NFKB1: variants seen among roughly 807,000 people sequenced by gnomAD.
The protein encoded by NFKB1 is nuclear factor NF-kappa-B p105 subunit.
In NFKB1, 9 loss-of-function variants were observed where a neutral mutation model predicts 105.1. The ratio of observed to expected loss-of-function variants is 0.09; its 90% confidence interval spans 0.05 to 0.15. The LOEUF (loss-of-function observed/expected upper bound fraction) is 0.15, where lower values mean the gene tolerates loss of function less well. NFKB1 is among the 10% of genes least tolerant of loss of function. The pLI is 1.00. For synonymous variants in NFKB1, 440 were observed against 442.2 expected (o/e 1.00, Z 0.06); for missense variants, 830 against 1,203.7 (o/e 0.69, Z 4.59).
chr4:102,513,880 A>G (rs570613626), intron 1 of NFKB1, among the ~76,000 whole-genome samples: 3 of 152,256 alleles, frequency 2.0e-5, no homozygotes, highest in African/African-American at 4.8e-5. Context: ...TTTAAAAATA[A>G]TGTGGACTCT....
In NFKB1 at chr4:102,616,871, C is replaced by G; in HGVS notation, c.*277C>G. On this transcript the variant is annotated 3_prime_UTR_variant, in exon 24 of 24. Transcript: ENST00000226574. Reference sequence around the variant, plus strand: ...GCTTACTAAGCTTTGCCAGCTGCTGCTGGATCACAGCTGCTTTCTGTTGTC... The same window carrying G: ...GCTTACTAAGCTTTGCCAGCTGCTGGTGGATCACAGCTGCTTTCTGTTGTC... 3.3e-6 allele frequency: 1 copy of G among 299,796 alleles called. No individual in the cohort carries two copies. The highest frequency in any genetic ancestry group is 6.3e-6 in the Non-Finnish European group (1 of 157,496). The allele number at this position is 299,796 out of a possible 1,614,324, so 18.6% of individuals were successfully genotyped here.
intron 1 of NFKB1, among the ~76,000 whole-genome samples, chr4:102,513,852 G>A (rs969678747): frequency 2.0e-5 from 3 of 151,902 alleles, no homozygotes; most frequent in Non-Finnish European, 2.9e-5. Flanking sequence ...GTCTATCTTC[G>A]TGAATATTCC....
chr4:102,597,420 G>T, intron 14 of NFKB1, 100 bp from the exon 15 acceptor site: 1 of 1,204,410 alleles, frequency 8.3e-7, no homozygotes, highest in Non-Finnish European at 1.1e-6. Flanking sequence ...ATATGTCAAG[G>T]TGTCAGAACA....
Position 102,595,897 on chromosome 4 carries a change from A to G in NFKB1, c.1301-241A>G, listed in dbSNP as rs144596919. ...ATTTCATTTTTCTCCTTTACAAATAAGCAAAATGAGATTTAAGATTTTAGA... is the reference window on the plus strand; with the variant it reads ...ATTTCATTTTTCTCCTTTACAAATAGGCAAAATGAGATTTAAGATTTTAGA... On this transcript the variant is annotated intron_variant, in intron 13 of 23. Transcript: ENST00000226574. Among the ~76,000 whole-genome samples, 46 of 152,366 alleles carry G rather than the reference A, an allele frequency of 3.0e-4. No individual in the cohort carries two copies. The East Asian group carries it at 7.9e-3, about 26-fold the overall frequency.
chr4:102,553,065 C>A (rs1180611462), intron 5 of NFKB1, among the ~76,000 whole-genome samples: 1 of 152,116 alleles, frequency 6.6e-6, no homozygotes. Flanking sequence ...CAGGAAATCA[C>A]AATAGAATAG....
At chr4:102,591,294 T>G (rs59123962) in intron 11 of NFKB1, among the ~76,000 whole-genome samples, 51,457 of 151,476 alleles carry the variant, frequency 0.34, 9,150 homozygotes, top group Admixed American at 0.44. Context: ...TCAAAGCTTT[T>G]AAAAACAGGC....
At chr4:102,550,630 T>C (rs181793612) in intron 5 of NFKB1, among the ~76,000 whole-genome samples, 2 of 152,268 alleles carry the variant, frequency 1.3e-5, no homozygotes, top group Admixed American at 1.3e-4. Context: ...TTCACACACA[T>C]TTGTAGAAAA....
intron 5 of NFKB1, among the ~76,000 whole-genome samples, chr4:102,551,443 G>A (rs1722602025): frequency 6.6e-6 from 1 of 151,982 alleles, no homozygotes; most frequent in African/African-American, 2.4e-5. Flanking sequence ...ATCACCTCCT[G>A]GCTAGATAGT....
intron 5 of NFKB1, among the ~76,000 whole-genome samples, chr4:102,552,553 C>T (rs1258541689): frequency 6.6e-6 from 1 of 151,858 alleles, no homozygotes; most frequent in Non-Finnish European, 1.5e-5. Flanking sequence ...ATTTGTATGC[C>T]CTTAGAAAGA....
At chr4:102,518,284 A>G (rs757432163) in intron 1 of NFKB1, among the ~76,000 whole-genome samples, 1 of 152,208 alleles carries the variant, frequency 6.6e-6, no homozygotes, top group Non-Finnish European at 1.5e-5. Context: ...GCTAACAGTG[A>G]TTTATTAATA....
At chr4:102,551,367 T>TGTGTGTGTGTGCGC (rs370790173) in intron 5 of NFKB1, among the ~76,000 whole-genome samples, 26 of 150,202 alleles carry the variant, frequency 1.7e-4, no homozygotes, top group African/African-American at 6.1e-4. Context: ...TGTGTGTGTG[T>TGTGTGTGTGTGCGC]GCGCGCGCGC....
intron 5 of NFKB1, among the ~76,000 whole-genome samples, chr4:102,566,125 A>G (rs1723845781): frequency 6.6e-6 from 1 of 152,174 alleles, no homozygotes; most frequent in Non-Finnish European, 1.5e-5. Flanking sequence ...AGTCTACTAC[A>G]GGGGCTAGGT....
intron 8 of NFKB1, 111 bp downstream of exon 8, chr4:102,579,150 T>C (rs1725113205): frequency 2.9e-6 from 3 of 1,031,572 alleles, no homozygotes; most frequent in Admixed American, 2.6e-5. Context: ...ACTTTAAGCC[T>C]CAGCTTTATC....
chr4:102,558,152 A>G (rs777656409), intron 5 of NFKB1, among the ~76,000 whole-genome samples: 10 of 151,476 alleles, frequency 6.6e-5, no homozygotes, highest in Middle Eastern at 3.4e-3. Context: ...ATTAAGCCTA[A>G]TATCTGTTAG....
intron 23 of NFKB1, 138 bp downstream of exon 23, chr4:102,613,719 G>A: frequency 9.7e-7 from 1 of 1,027,412 alleles, no homozygotes; most frequent in Admixed American, 2.8e-5. Flanking sequence ...TCTACCCCCT[G>A]GGCTCACCCT....
At chr4:102,507,848 C>A (rs1314943802) in intron 1 of NFKB1, among the ~76,000 whole-genome samples, 1 of 152,128 alleles carries the variant, frequency 6.6e-6, no homozygotes, top group Non-Finnish European at 1.5e-5. Flanking sequence ...TTAGGGCACA[C>A]CTATCCCTCT....
intron 15 of NFKB1, among the ~76,000 whole-genome samples, chr4:102,598,939 A>G (rs1305466493): frequency 6.6e-6 from 1 of 152,210 alleles, no homozygotes; most frequent in African/African-American, 2.4e-5. Context: ...GAGAGACCAG[A>G]GGATCCTCAT....
Position 102,597,564 on chromosome 4 carries a change from G to T in NFKB1, c.1540G>T (p.Ala514Ser). The T allele has an allele frequency of 6.2e-7, 1 of 1,613,718 alleles. No homozygotes were observed. The highest frequency in any genetic ancestry group is 8.5e-7 in the Non-Finnish European group (1 of 1,179,790). The change falls in exon 15 of 24, where the codon GCC (alanine) becomes TCC (serine). Residue 514 changes from alanine (A) to serine (S), a missense_variant. By Grantham distance (99) the Ala-to-Ser change is moderately conservative. This residue lies in a region of NFKB1 where 418 missense variants were observed against 575.3 expected (regional missense o/e 0.73). Coordinates refer to ENST00000226574, the MANE Select transcript of NFKB1 (RefSeq NM_003998.4). ...EKAMQLAKRH[A>S]NALFDYAVTG... Reference sequence around the variant, plus strand: ...GGCTATGCAGCTTGCAAAGAGGCATGCCAATGCCCTTTTCGACTACGCGGT... The same window carrying T: ...GGCTATGCAGCTTGCAAAGAGGCATTCCAATGCCCTTTTCGACTACGCGGT...
In NFKB1 at chr4:102,571,510, C is replaced by G. The variant is rs554384071; in HGVS notation, c.407+4375C>G. 1.6e-3 allele frequency among the ~76,000 whole-genome samples: 243 copies of G among 152,178 alleles called. 2 individuals carry two copies. Among genetic ancestry groups the G allele is most frequent in the African/African-American group, 5.5e-3 (230 of 41,540 alleles). On this transcript the variant is annotated intron_variant, in intron 6 of 23. Transcript: ENST00000226574. ...GATCTAATTAAACTAAAGAGCTTCT[C>G]CGCAGCAAAAGAAACTACCATCAGA... is the stretch of plus-strand genomic sequence containing the variant.
Sources: allele counts gnomAD v4.1 joint callset (sites outside exome capture counted in the v4.1 genomes callset), GRCh38; gene constraint gnomAD v4.1.1; regional missense constraint gnomAD v4.1.1; transcripts MANE v1.5; gene names NCBI Gene and HGNC (gene_info 2026-07-23, HGNC 2026-07-21).